Variants in CMIP observed in about 807,000 individuals in gnomAD.
CMIP encodes c-Maf inducing protein.
Under a neutral mutation model 97.3 loss-of-function variants are expected in CMIP, and 13 were observed. That is an observed-to-expected ratio of 0.13 (90% CI 0.09 to 0.21). CMIP has a LOEUF of 0.21. Ranked by LOEUF, CMIP falls within the 10% of genes least tolerant of loss-of-function variation. The probability of loss-of-function intolerance (pLI) is 1.00; values close to 1 mark genes in which losing one functional copy is unlikely to be tolerated. For missense variants in CMIP, 847 were observed against 1,024.9 expected, an observed-to-expected ratio of 0.83 and a Z score of 2.37; for synonymous variants, 538 against 436.3, an observed-to-expected ratio of 1.23 and a Z score of -2.91.
chr16:81,602,562 C>A (rs2091675370), intron 1 of CMIP, among the ~76,000 whole-genome samples: 1 of 152,242 alleles, frequency 6.6e-6, no homozygotes, highest in African/African-American at 2.4e-5. Context: ...ATTCCCATCA[C>A]CCCCAAGAGT....
chr16:81,515,440 G>A (rs560474104), intron 1 of CMIP, among the ~76,000 whole-genome samples: 4 of 152,332 alleles, frequency 2.6e-5, no homozygotes, highest in Admixed American at 2.0e-4. Context: ...TGGCTTTGAA[G>A]GCTGGGTGGG....
intron 11 of CMIP, among the ~76,000 whole-genome samples, chr16:81,692,473 C>A (rs1258326101): frequency 6.6e-6 from 1 of 152,206 alleles, no homozygotes; most frequent in Non-Finnish European, 1.5e-5. Context: ...TGAAATGCCT[C>A]CAGGTCTCTT....
At chr16:81,520,273 C>T (rs1041122564) in intron 1 of CMIP, 1 of 152,156 alleles carries the variant, frequency 6.6e-6, no homozygotes, top group Non-Finnish European at 1.5e-5. Context: ...CTGTCTGCCT[C>T]GATTTCTTCA....
intron 9 of CMIP, among the ~76,000 whole-genome samples, chr16:81,675,667 G>C (rs1301085891): frequency 6.6e-6 from 1 of 152,202 alleles, no homozygotes; most frequent in East Asian, 1.9e-4. Flanking sequence ...GCTGCACACT[G>C]AATATGGAGG....
At chr16:81,635,934 G>A (rs1006281066) in intron 3 of CMIP, among the ~76,000 whole-genome samples, 5 of 152,052 alleles carry the variant, frequency 3.3e-5, no homozygotes, top group African/African-American at 7.3e-5. Context: ...TCAAATTTTC[G>A]GGGTTTACAT....
At chr16:81,606,098 C>G (rs8049626) in intron 1 of CMIP, among the ~76,000 whole-genome samples, 23,324 of 152,160 alleles carry the variant, frequency 0.15, 2,444 homozygotes, top group East Asian at 0.36. Flanking sequence ...GTAGAATTAA[C>G]CTGTTGGGCC....
chr16:81,672,018 G>C lies in CMIP; in HGVS notation c.982G>C (p.Val328Leu). 6.2e-7 allele frequency: 1 copy of C among 1,606,646 alleles called. No homozygotes were observed. The highest frequency in any genetic ancestry group is 8.5e-7 in the Non-Finnish European group (1 of 1,176,416). ...CCACCCCCGGGTCCTGCCCAACCTG[G>C]TGGCCGTGTGCCTGGCTGCCATCTA... ...CPHPRVLPNL[V>L]AVCLAAIYSC... The change falls in exon 9 of 21, where the codon GTG (valine) becomes CTG (leucine). Residue 328 changes from valine to leucine, a missense_variant. Physicochemically the swap from Val to Leu is conservative, Grantham distance 32. Transcript: ENST00000537098.
intron 3 of CMIP, chr16:81,632,139 C>G (rs2092170278): frequency 6.6e-6 from 1 of 152,216 alleles, no homozygotes; most frequent in Non-Finnish European, 1.5e-5. Flanking sequence ...TAACCACCAC[C>G]TGGATCTCCG....
intron 1 of CMIP, among the ~76,000 whole-genome samples, chr16:81,558,182 C>T (rs2090805181): frequency 6.6e-6 from 1 of 152,218 alleles, no homozygotes; most frequent in Admixed American, 6.5e-5. Flanking sequence ...GCTTCTCCAT[C>T]CGTCCGTCCA....
chr16:81,573,288 G>A (rs1237227227), intron 1 of CMIP, among the ~76,000 whole-genome samples: 1 of 151,738 alleles, frequency 6.6e-6, no homozygotes, highest in Non-Finnish European at 1.5e-5. Flanking sequence ...AGGTTGCAGT[G>A]AGCCGAGATC....
At chr16:81,626,151 CCCT>C (rs2092057737) in intron 3 of CMIP, among the ~76,000 whole-genome samples, 1 of 152,226 alleles carries the variant, frequency 6.6e-6, no homozygotes, top group African/African-American at 2.4e-5. Context: ...AGGCCTCTGT[CCCT>C]CCTCTGTGGA....
chr16:81,678,699 CTG>C, intron 10 of CMIP, 71 bp downstream of exon 10: 1 of 729,272 alleles, frequency 1.4e-6, no homozygotes, highest in South Asian at 1.7e-5. Flanking sequence ...CTGGGTGCGG[CTG>C]TGTTTGTTGG....
At chr16:81,537,720 A>G (rs1210778904) in intron 1 of CMIP, among the ~76,000 whole-genome samples, 1 of 145,550 alleles carries the variant, frequency 6.9e-6, no homozygotes, top group Non-Finnish European at 1.5e-5. Context: ...AAAAGAAAAG[A>G]AAAGAAATGC....
chr16:81,623,823 C>A (rs2092023616), intron 3 of CMIP, among the ~76,000 whole-genome samples: 1 of 152,188 alleles, frequency 6.6e-6, no homozygotes, highest in Admixed American at 6.5e-5. Flanking sequence ...GATGCCAGGG[C>A]TGGCTAGGTC....
chr16:81,495,197 C>T (rs1161189266), intron 1 of CMIP, among the ~76,000 whole-genome samples: 1 of 152,220 alleles, frequency 6.6e-6, no homozygotes, highest in Non-Finnish European at 1.5e-5. Context: ...TCACCATCAT[C>T]ATCATCATTA....
chr16:81,477,821 C>G (rs1344308171), intron 1 of CMIP, among the ~76,000 whole-genome samples: 1 of 152,200 alleles, frequency 6.6e-6, no homozygotes, highest in East Asian at 1.9e-4. Flanking sequence ...TGCCATTTTG[C>G]CTGCCTTCCA....
At chr16:81,633,849 G>A (rs1309877220) in intron 3 of CMIP, among the ~76,000 whole-genome samples, 1 of 152,196 alleles carries the variant, frequency 6.6e-6, no homozygotes, top group Non-Finnish European at 1.5e-5. Context: ...CACCCCAGAG[G>A]TCGGGGCCAG....
chr16:81,579,888 G>A (rs1369350903), intron 1 of CMIP, among the ~76,000 whole-genome samples: 3 of 152,136 alleles, frequency 2.0e-5, no homozygotes, highest in South Asian at 2.1e-4. Context: ...CCCGGGAGGC[G>A]GAGCTTGCAG....
chr16:81,582,224 C>G (rs575461782), intron 1 of CMIP, among the ~76,000 whole-genome samples: 1 of 152,310 alleles, frequency 6.6e-6, no homozygotes, highest in Non-Finnish European at 1.5e-5. Context: ...GAACATGAGT[C>G]TGGGGTGGGG....
Sources: allele counts gnomAD v4.1 joint callset (sites outside exome capture counted in the v4.1 genomes callset), GRCh38; gene constraint gnomAD v4.1.1; transcripts MANE v1.5; gene names NCBI Gene and HGNC (gene_info 2026-07-23, HGNC 2026-07-21).